The following PDE7A variants were observed in gnomAD, a reference collection of about 807,000 sequenced individuals.
The protein encoded by PDE7A is phosphodiesterase 7A, also known as high affinity 3',5'-cyclic-AMP phosphodiesterase 7A.
A neutral mutation model predicts 64.3 loss-of-function variants in PDE7A; 39 were observed. The ratio of observed to expected loss-of-function variants is 0.61; its 90% CI spans 0.47 to 0.79. The LOEUF (loss-of-function observed/expected upper bound fraction) is 0.79, where lower values mean the gene tolerates loss of function less well. Among genes scored for constraint, PDE7A ranks in the 30% least tolerant of loss-of-function variants. The pLI is 0.00. For missense variants in PDE7A, 470 were observed against 582.8 expected (o/e 0.81, Z 1.99); for synonymous variants, 203 against 206.8 (o/e 0.98, Z 0.16).
At chr8:65,724,175 A>G in intron 11 of PDE7A, 80 bp downstream of exon 11, 1 of 854,320 alleles carries the variant, frequency 1.2e-6, no homozygotes. Flanking sequence ...ACCCATATAA[A>G]TTATTGAGTT....
rs542219226 is a variant in PDE7A at position 65,835,197 on chromosome 8, T to C, written c.138+6174A>G. On this transcript the variant is annotated intron_variant, in intron 1 of 12. Transcript: ENST00000401827. ...TTTAAGTTTTGAATTATTTTTAAAT[T>C]AGAAGATTCAAAATGAATTGGAGTT... Among the ~76,000 whole-genome samples the C allele has an allele frequency of 2.0e-5, 3 of 152,332 alleles. No individual in the cohort carries two copies. In the South Asian group the frequency reaches 6.2e-4, roughly 32 times the overall value.
intron 1 of PDE7A, among the ~76,000 whole-genome samples, chr8:65,831,560 T>C (rs1810820972): frequency 6.6e-6 from 1 of 152,084 alleles, no homozygotes; most frequent in African/African-American, 2.4e-5. Context: ...CTATACTTAA[T>C]TTTACCTCCC....
chr8:65,782,086 G>A (rs1415679748), intron 2 of PDE7A, among the ~76,000 whole-genome samples: 1 of 152,162 alleles, frequency 6.6e-6, no homozygotes, highest in Non-Finnish European at 1.5e-5. Context: ...GGATGGATCA[G>A]TATCATAAAG....
At chr8:65,745,232 A>G (rs922734185) in intron 5 of PDE7A, among the ~76,000 whole-genome samples, 175 bp downstream of exon 5, 5 of 152,170 alleles carry the variant, frequency 3.3e-5, no homozygotes, top group African/African-American at 1.2e-4. Flanking sequence ...CTTTTTCTCA[A>G]TTACCCAGTC....
intron 1 of PDE7A, among the ~76,000 whole-genome samples, chr8:65,826,219 A>G (rs1810670517): frequency 6.6e-6 from 1 of 152,228 alleles, no homozygotes; most frequent in Non-Finnish European, 1.5e-5. Flanking sequence ...TACTGTGATG[A>G]GAACACACTG....
intron 3 of PDE7A, among the ~76,000 whole-genome samples, chr8:65,760,846 C>A (rs1190596321): frequency 6.6e-6 from 1 of 151,974 alleles, no homozygotes; most frequent in African/African-American, 2.4e-5. Flanking sequence ...TTAGCGAAAC[C>A]TGAGTGAAAA....
chr8:65,836,094 C>T (rs1585959052), intron 1 of PDE7A, among the ~76,000 whole-genome samples: 2 of 152,134 alleles, frequency 1.3e-5, no homozygotes, highest in East Asian at 3.9e-4. Flanking sequence ...TTTGAGAATA[C>T]ACAGGTAGGA....
rs1295965698 is a variant in PDE7A at position 65,730,171 on chromosome 8, C to CTTCTTTTTTTTTTTT, written c.697-2871_697-2870insAAAAAAAAAAAAGAA. On this transcript the variant is annotated intron_variant, in intron 7 of 12. Transcript: ENST00000401827. Reference sequence around the variant, plus strand: ...TGTGAGGGATCCAGGTTGCGCACTTCTTTTTTTTTTTTTTTTTTTTTTTTT... The same window carrying CTTCTTTTTTTTTTTT: ...TGTGAGGGATCCAGGTTGCGCACTTCTTCTTTTTTTTTTTTTTTTTTTTTTTTTTTTTTTTTTTTT... Among the ~76,000 whole-genome samples the CTTCTTTTTTTTTTTT allele has an allele frequency of 1.0e-3, 89 of 86,448 alleles. 17 individuals are homozygous for CTTCTTTTTTTTTTTT. The highest frequency in any genetic ancestry group is 3.1e-3 in the African/African-American group (65 of 20,938). 56.7% of individuals were successfully genotyped at this position (86,448 alleles called of 152,430 possible).
At chr8:65,830,956 T>TA (rs966873449) in intron 1 of PDE7A, among the ~76,000 whole-genome samples, 33 of 152,000 alleles carry the variant, frequency 2.2e-4, no homozygotes, top group African/African-American at 8.0e-4. Context: ...AAAAAGACTA[T>TA]AAAAAATTCT....
intron 3 of PDE7A, among the ~76,000 whole-genome samples, chr8:65,774,565 T>C (rs1248980944): frequency 1.3e-5 from 2 of 151,948 alleles, no homozygotes; most frequent in African/African-American, 4.8e-5. Context: ...TTTAACTTTA[T>C]ATGGGTTATA....
chr8:65,814,827 T>A (rs919508557), intron 1 of PDE7A, among the ~76,000 whole-genome samples: 1 of 151,998 alleles, frequency 6.6e-6, no homozygotes, highest in African/African-American at 2.4e-5. Context: ...CAACATGTAA[T>A]CCCAGCACTT....
At chr8:65,827,073 A>G (rs1312976862) in intron 1 of PDE7A, among the ~76,000 whole-genome samples, 1 of 152,178 alleles carries the variant, frequency 6.6e-6, no homozygotes, top group Non-Finnish European at 1.5e-5. Flanking sequence ...CTTACTCCAA[A>G]TAAGGTCACA....
chr8:65,800,647 AG>A (rs1809964368), intron 1 of PDE7A, among the ~76,000 whole-genome samples: 1 of 152,100 alleles, frequency 6.6e-6, no homozygotes, highest in South Asian at 2.1e-4. Flanking sequence ...AGTAGGCCCT[AG>A]TTTGGTTCTA....
At chr8:65,797,551 CTGT>C (rs1159664307) in intron 1 of PDE7A, among the ~76,000 whole-genome samples, 1 of 152,180 alleles carries the variant, frequency 6.6e-6, no homozygotes, top group East Asian at 1.9e-4. Context: ...CAGATAATTT[CTGT>C]TGTTTTAAGC....
chr8:65,811,307 A>G (rs1472980539), intron 1 of PDE7A, among the ~76,000 whole-genome samples: 3 of 152,218 alleles, frequency 2.0e-5, no homozygotes, highest in African/African-American at 4.8e-5. Context: ...AGATGTTACT[A>G]CTGAACCCTA....
chr8:65,819,383 C>A (rs577808999), intron 1 of PDE7A, among the ~76,000 whole-genome samples: 1 of 152,152 alleles, frequency 6.6e-6, no homozygotes, highest in East Asian at 1.9e-4. Context: ...GGTGACATAG[C>A]GAGACCCTGT....
At position 65,751,964 on chromosome 8, in the gene PDE7A, G is replaced by A. The variant is rs1807990454; in HGVS notation, c.284-4161C>T. The stretch of plus-strand genomic sequence containing the variant: ...CCCTGTTCTTTTATAAGGCTGTAAA[G>A]TATTCTATCATACAGATGAATCATA... On this transcript the variant is annotated intron_variant, in intron 3 of 12. Coordinates refer to ENST00000401827, the MANE Select transcript of PDE7A (RefSeq NM_001242318.3). Among the ~76,000 whole-genome samples, 3 of 152,116 alleles carry A rather than the reference G, an allele frequency of 2.0e-5. No individual in the cohort carries two copies. The South Asian group carries it at 6.2e-4, about 32-fold the overall frequency.
chr8:65,810,332 C>T (rs1011256893), intron 1 of PDE7A, among the ~76,000 whole-genome samples: 21 of 149,664 alleles, frequency 1.4e-4, no homozygotes, highest in South Asian at 6.3e-4. Context: ...GAACGTGACA[C>T]ACCAGGGCCT....
At chr8:65,758,072 T>C (rs1209344264) in intron 3 of PDE7A, among the ~76,000 whole-genome samples, 1 of 152,260 alleles carries the variant, frequency 6.6e-6, no homozygotes, top group African/African-American at 2.4e-5. Flanking sequence ...GTTTGGTCTC[T>C]GTGCTAGTCC....
Sources: gnomAD v4.1 joint callset for allele counts (sites outside exome capture counted in the v4.1 genomes callset) on GRCh38, gnomAD v4.1.1 for gene constraint, MANE v1.5 for transcripts, NCBI Gene and HGNC (gene_info 2026-07-23, HGNC 2026-07-21) for gene names.